Variants in RAD51B observed in about 807,000 individuals in gnomAD.
RAD51B encodes DNA repair protein RAD51 homolog 2.
In RAD51B, 38 loss-of-function variants were observed where a neutral mutation model predicts 42.2. That is an observed-to-expected ratio of 0.90 (90% CI 0.70 to 1.18). RAD51B has a LOEUF of 1.18. Ranked by LOEUF, RAD51B falls within the 50% of genes most tolerant of loss-of-function variation. The pLI is 0.00. For synonymous variants in RAD51B, 154 were observed against 145.2 expected (o/e 1.06, Z -0.43); for missense variants, 373 against 400.7 (o/e 0.93, Z 0.59).
At chr14:68,660,605 A>T (rs1003585186) in intron 11 of RAD51B, among the ~76,000 whole-genome samples, 2 of 152,184 alleles carry the variant, frequency 1.3e-5, no homozygotes, top group African/African-American at 4.8e-5. Context: ...GCGGCAACAG[A>T]CACTGCTCCT....
intron 8 of RAD51B, among the ~76,000 whole-genome samples, chr14:68,297,515 C>T (rs75410796): frequency 8.5e-5 from 13 of 152,276 alleles, no homozygotes; most frequent in African/African-American, 2.9e-4. Flanking sequence ...CATGCTTTAG[C>T]TCCAAGGCCC....
At chr14:68,112,927 G>T (rs2077482168) in intron 7 of RAD51B, among the ~76,000 whole-genome samples, 1 of 152,082 alleles carries the variant, frequency 6.6e-6, no homozygotes, top group Non-Finnish European at 1.5e-5. Context: ...TAATTAGACA[G>T]TGTTTTCCCT....
intron 10 of RAD51B, among the ~76,000 whole-genome samples, chr14:68,581,738 C>G (rs917850477): frequency 6.6e-6 from 1 of 152,160 alleles, no homozygotes; most frequent in Non-Finnish European, 1.5e-5. Flanking sequence ...GGAGGCATCA[C>G]GCTACCTGAC....
intron 8 of RAD51B, among the ~76,000 whole-genome samples, chr14:68,354,216 G>GTTTTTTTTTTTT (rs3075406): frequency 4.5e-5 from 5 of 110,482 alleles, no homozygotes; most frequent in African/African-American, 1.0e-4. Context: ...TGGTTTTTTG[G>GTTTTTTTTTTTT]TTTTTTTTTT....
At chr14:68,237,154 C>T (rs2080276265) in intron 7 of RAD51B, among the ~76,000 whole-genome samples, 1 of 152,220 alleles carries the variant, frequency 6.6e-6, no homozygotes, top group Non-Finnish European at 1.5e-5. Flanking sequence ...GTGGAGCCAA[C>T]TCAGGGCTTT....
chr14:68,187,487 C>T (rs1204097139), intron 7 of RAD51B, among the ~76,000 whole-genome samples: 3 of 152,220 alleles, frequency 2.0e-5, no homozygotes, highest in African/African-American at 2.4e-5. Flanking sequence ...TATCCAACTT[C>T]CCACAACCTT....
chr14:68,671,252 G>A (rs1893151584), intron 11 of RAD51B, among the ~76,000 whole-genome samples: 2 of 152,156 alleles, frequency 1.3e-5, no homozygotes, highest in Admixed American at 1.3e-4. Flanking sequence ...GAAGTCCAAG[G>A]CAAATGTCAG....
chr14:68,682,266 C>T (rs899367262), intron 11 of RAD51B, among the ~76,000 whole-genome samples: 3 of 152,162 alleles, frequency 2.0e-5, no homozygotes, highest in East Asian at 1.9e-4. Context: ...AATCTGTCTC[C>T]GGTAAACCTA....
At chr14:68,298,666 G>A (rs968505024) in intron 8 of RAD51B, among the ~76,000 whole-genome samples, 1 of 152,198 alleles carries the variant, frequency 6.6e-6, no homozygotes, top group Admixed American at 6.5e-5. Flanking sequence ...TTTGTCAGTT[G>A]CCTCAGCTAG....
intron 10 of RAD51B, among the ~76,000 whole-genome samples, chr14:68,550,292 A>G (rs1372120645): frequency 6.6e-6 from 1 of 152,168 alleles, no homozygotes; most frequent in Non-Finnish European, 1.5e-5. Flanking sequence ...AGGTGTAAGT[A>G]CCCCTCCAGT....
intron 8 of RAD51B, among the ~76,000 whole-genome samples, chr14:68,345,912 G>C (rs1310309051): frequency 6.6e-6 from 1 of 152,156 alleles, no homozygotes; most frequent in Non-Finnish European, 1.5e-5. Flanking sequence ...CACCCACCTT[G>C]GCCTCCAAAA....
chr14:68,546,881 C>A (rs1181513126), intron 10 of RAD51B, among the ~76,000 whole-genome samples: 3 of 152,192 alleles, frequency 2.0e-5, no homozygotes, highest in Non-Finnish European at 4.4e-5. Context: ...ATGTTAATGG[C>A]AAACTCTTGG....
chr14:68,494,302 C>T (rs1287324945), intron 10 of RAD51B, among the ~76,000 whole-genome samples: 1 of 149,252 alleles, frequency 6.7e-6, no homozygotes, highest in Non-Finnish European at 1.5e-5. Flanking sequence ...AAAAAAATGA[C>T]CAATTTCACC....
intron 8 of RAD51B, among the ~76,000 whole-genome samples, chr14:68,374,262 G>GA (rs1430672314): frequency 1.3e-5 from 2 of 151,824 alleles, no homozygotes; most frequent in Non-Finnish European, 2.9e-5. Flanking sequence ...TAGGTGCTCA[G>GA]AAAAAAAATG....
At chr14:68,540,611 C>T (rs1239068930) in intron 10 of RAD51B, 1 of 985,118 alleles carries the variant, frequency 1.0e-6, no homozygotes, top group Non-Finnish European at 1.2e-6. Flanking sequence ...ATAATGACAC[C>T]CCCCAACCCA....
At chr14:68,456,566 A>G (rs1160281096) in intron 9 of RAD51B, among the ~76,000 whole-genome samples, 2 of 152,200 alleles carry the variant, frequency 1.3e-5, no homozygotes, top group Non-Finnish European at 2.9e-5. Context: ...CCTAACACCT[A>G]TGCCCCAAGA....
At chr14:67,907,690 T>TA (rs1210290494) in intron 7 of RAD51B, among the ~76,000 whole-genome samples, 1 of 152,108 alleles carries the variant, frequency 6.6e-6, no homozygotes, top group Non-Finnish European at 1.5e-5. Context: ...ACAAGACTGT[T>TA]AAAAATCTCC....
At chr14:68,603,506 T>C (rs566271743) in intron 10 of RAD51B, among the ~76,000 whole-genome samples, 115 of 152,336 alleles carry the variant, frequency 7.5e-4, no homozygotes, top group Admixed American at 4.2e-3. Flanking sequence ...ATCTGTTTTT[T>C]TCATTTATCT....
intron 11 of RAD51B, among the ~76,000 whole-genome samples, chr14:68,655,415 G>A (rs573504191): frequency 6.6e-6 from 1 of 152,140 alleles, no homozygotes; most frequent in Admixed American, 6.5e-5. Context: ...GACGGGGTGT[G>A]GGGGAAGCGA....
Sources: gnomAD v4.1 joint callset for allele counts (sites outside exome capture counted in the v4.1 genomes callset) on GRCh38, gnomAD v4.1.1 for gene constraint, MANE v1.5 for transcripts, NCBI Gene and HGNC (gene_info 2026-07-23, HGNC 2026-07-21) for gene names.